GRAMD4: variants seen among roughly 807,000 people sequenced by gnomAD.
GRAMD4 encodes the protein GRAM domain-containing protein 4.
A neutral mutation model predicts 83.9 loss-of-function variants in GRAMD4; 25 were observed. The observed-to-expected ratio is 0.30, with a 90% CI of 0.22 to 0.42. The LOEUF is 0.42. Among genes scored for constraint, GRAMD4 ranks in the 10% least tolerant of loss-of-function variants. The pLI is 1.00. For synonymous variants in GRAMD4, 336 were observed against 320.9 expected (o/e 1.05, Z -0.50); for missense variants, 593 against 788.7 (o/e 0.75, Z 2.97).
At chr22:46,598,786 G>A (rs536622548) in intron 1 of GRAMD4, among the ~76,000 whole-genome samples, 71 of 152,246 alleles carry the variant, frequency 4.7e-4, no homozygotes, top group Non-Finnish European at 8.2e-4. Context: ...AAATCCGTGC[G>A]GGCCAGCGGG....
In GRAMD4 at chr22:46,673,015, C is replaced by G. The variant is rs1569306819; in HGVS notation, c.1239+18C>G. ...CACGCAGGGTGAGCCCGGCCCCCAG[C>G]TGCGGGGATGGGGGGATGGGGGGCC... On this transcript the variant is annotated intron_variant, in intron 14 of 18. Transcript: ENST00000406902. 1 of 1,554,970 alleles carries G rather than the reference C, an allele frequency of 6.4e-7. No homozygotes were observed. The highest frequency in any genetic ancestry group is 8.7e-7 in the Non-Finnish European group (1 of 1,155,670).
intron 1 of GRAMD4, among the ~76,000 whole-genome samples, chr22:46,597,546 G>C (rs867889653): frequency 6.6e-6 from 1 of 152,114 alleles, no homozygotes; most frequent in Non-Finnish European, 1.5e-5. Flanking sequence ...CTGGAGTGCA[G>C]TGGCGCGATC....
intron 3 of GRAMD4, among the ~76,000 whole-genome samples, chr22:46,657,748 C>G (rs1164196415): frequency 6.6e-6 from 1 of 152,246 alleles, no homozygotes; most frequent in East Asian, 1.9e-4. Flanking sequence ...GGCCTTTGCT[C>G]TGCTGCCGAC....
intron 17 of GRAMD4, 40 bp from the exon 18 acceptor site, chr22:46,676,560 C>T (rs886210511): frequency 6.5e-7 from 1 of 1,535,178 alleles, no homozygotes; most frequent in Non-Finnish European, 8.8e-7. Context: ...TCCCTGTCCC[C>T]AGGAGAGACC....
At chr22:46,602,613 GA>G (rs1316406337) in intron 1 of GRAMD4, among the ~76,000 whole-genome samples, 2 of 151,774 alleles carry the variant, frequency 1.3e-5, no homozygotes, top group African/African-American at 4.8e-5. Context: ...GGTGAGCTGT[GA>G]TCGTACCACT....
rs747858546 is a variant in GRAMD4 at position 46,675,443 on chromosome 22, A to T, written c.1479-25A>T. ...CGTGCTCTGGTTCAAGAGCCAGGCGACGCCTCTGTCCGTTCCCCTTCCAGT... is the reference window on the plus strand; with the variant it reads ...CGTGCTCTGGTTCAAGAGCCAGGCGTCGCCTCTGTCCGTTCCCCTTCCAGT... On this transcript the variant is annotated intron_variant, in intron 16 of 18. Transcript: ENST00000406902. 7 of 1,561,936 alleles carry T rather than the reference A, an allele frequency of 4.5e-6. No individual in the cohort carries two copies. The South Asian group carries it at 7.8e-5, about 17-fold the overall frequency.
chr22:46,672,143 G>A lies in GRAMD4; in HGVS notation c.1085-700G>A, dbSNP rs2082516982. ...CAGGGGGGTGCGTTAGCAGGTGTGTGGGGGCCGGCCCCGCCTCCCATCCCT... is the reference window on the plus strand; with the variant it reads ...CAGGGGGGTGCGTTAGCAGGTGTGTAGGGGCCGGCCCCGCCTCCCATCCCT... On this transcript the variant is annotated intron_variant, in intron 13 of 18. Coordinates refer to ENST00000406902, the MANE Select transcript of GRAMD4 (RefSeq NM_015124.5). The surrounding 1 kb of genome is among the most constrained non-coding windows in gnomAD (Gnocchi z 4.7). Among the ~76,000 whole-genome samples, 1 of 152,220 alleles carries A rather than the reference G, an allele frequency of 6.6e-6. No individual in the cohort carries two copies. Among genetic ancestry groups the A allele is most frequent in the African/African-American group, 2.4e-5 (1 of 41,454 alleles).
intron 3 of GRAMD4, among the ~76,000 whole-genome samples, chr22:46,651,558 G>A (rs560379914): frequency 6.6e-6 from 1 of 152,236 alleles, no homozygotes; most frequent in Non-Finnish European, 1.5e-5. Flanking sequence ...ATCCCTGTGC[G>A]GCGTGTATGG....
At chr22:46,652,619 G>A (rs1384311693) in intron 3 of GRAMD4, among the ~76,000 whole-genome samples, 1 of 152,204 alleles carries the variant, frequency 6.6e-6, no homozygotes, top group African/African-American at 2.4e-5. Context: ...GAGGCCTGTG[G>A]GTGGGGCAGC....
chr22:46,609,445 A>G (rs574370900), intron 1 of GRAMD4, among the ~76,000 whole-genome samples: 1 of 152,354 alleles, frequency 6.6e-6, no homozygotes, highest in South Asian at 2.1e-4. Context: ...ATTTAAACAA[A>G]AGAAGTTGAC....
intron 1 of GRAMD4, chr22:46,587,912 C>T: frequency 1.0e-6 from 1 of 985,352 alleles, no homozygotes. Flanking sequence ...GCTCCTGATC[C>T]TCCCCGTCTG....
downstream of GRAMD4, among the ~76,000 whole-genome samples, chr22:46,682,649 A>G (rs1036400253): frequency 3.3e-5 from 5 of 152,204 alleles, no homozygotes; most frequent in African/African-American, 1.2e-4. Context: ...TTTGCCTTTT[A>G]AAGTGTTGCC....
At chr22:46,674,354 C>T (rs989561822) in intron 15 of GRAMD4, among the ~76,000 whole-genome samples, 3 of 152,172 alleles carry the variant, frequency 2.0e-5, no homozygotes, top group East Asian at 3.9e-4. Context: ...GGTGTCCCAG[C>T]GCCCTGACCC....
intron 1 of GRAMD4, among the ~76,000 whole-genome samples, chr22:46,625,252 G>A (rs927251535): frequency 1.3e-5 from 2 of 152,172 alleles, no homozygotes; most frequent in Admixed American, 6.5e-5. Flanking sequence ...GGGAACCTCC[G>A]CGCCTCTGTG....
At chr22:46,618,433 G>A (rs545024484), upstream of GRAMD4, among the ~76,000 whole-genome samples, 5 of 152,326 alleles carry the variant, frequency 3.3e-5, no homozygotes, top group South Asian at 6.2e-4. This position sits in a 1 kb window ranked among gnomAD's most constrained non-coding sequence, Gnocchi z 5.8. Flanking sequence ...CGACGTCCCG[G>A]AGCCAAACGT....
chr22:46,639,178 GTGTA>G (rs956065705), intron 3 of GRAMD4, among the ~76,000 whole-genome samples: 4 of 151,606 alleles, frequency 2.6e-5, no homozygotes, highest in African/African-American at 9.7e-5. Context: ...GTGTGTGTGT[GTGTA>G]TGTACAGTGG....
At chr22:46,598,798 AAGGATG>A (rs2081285786) in intron 1 of GRAMD4, among the ~76,000 whole-genome samples, 1 of 152,070 alleles carries the variant, frequency 6.6e-6, no homozygotes, top group Non-Finnish European at 1.5e-5. Flanking sequence ...GCCAGCGGGG[AAGGATG>A]GAGCTGGCCT....
chr22:46,604,125 T>C (rs2081342751), intron 1 of GRAMD4, among the ~76,000 whole-genome samples: 1 of 152,186 alleles, frequency 6.6e-6, no homozygotes, highest in Non-Finnish European at 1.5e-5. Context: ...GTGGCTCTGT[T>C]TTCTGTTCAT....
At chr22:46,600,345 C>A (rs142855463) in intron 1 of GRAMD4, among the ~76,000 whole-genome samples, 1 of 152,316 alleles carries the variant, frequency 6.6e-6, no homozygotes, top group African/African-American at 2.4e-5. Flanking sequence ...CAGCTTGGGG[C>A]CAGGGGCCTG....
Sources: gnomAD v4.1 joint callset for allele counts (sites outside exome capture counted in the v4.1 genomes callset) on GRCh38, gnomAD v4.1.1 for gene constraint, Gnocchi (gnomAD v3.1) non-coding constraint, MANE v1.5 for transcripts, NCBI Gene and HGNC (gene_info 2026-07-23, HGNC 2026-07-21) for gene names.